The following DENND6A variants were observed in gnomAD, a reference collection of about 807,000 sequenced individuals.
The protein encoded by DENND6A is protein DENND6A.
Under a neutral mutation model 95.5 loss-of-function variants are expected in DENND6A, and 43 were observed. The observed-to-expected ratio is 0.45, with a 90% CI of 0.35 to 0.58. The LOEUF is 0.58. Ranked by LOEUF, DENND6A falls within the 20% of genes least tolerant of loss-of-function variation. The pLI, the probability that DENND6A is intolerant of heterozygous loss-of-function variation, is 0.00. For synonymous variants in DENND6A, 257 were observed against 260.4 expected, an observed-to-expected ratio of 0.99 and a Z score of 0.13; for missense variants, 574 against 736.0, an observed-to-expected ratio of 0.78 and a Z score of 2.55.
chr3:57,632,437 C>A (rs1211950581), intron 15 of DENND6A, among the ~76,000 whole-genome samples: 1 of 151,944 alleles, frequency 6.6e-6, no homozygotes, highest in Non-Finnish European at 1.5e-5. Context: ...CTCTTACCTT[C>A]GCCTCCCAAA....
At chr3:57,682,173 C>A (rs986133462) in intron 1 of DENND6A, among the ~76,000 whole-genome samples, 9 of 145,264 alleles carry the variant, frequency 6.2e-5, no homozygotes, top group African/African-American at 2.3e-4. Flanking sequence ...TTATATTCTG[C>A]GGGAAGCTGA....
In DENND6A at chr3:57,668,583, T is replaced by A. The variant is rs145330333; in HGVS notation, c.320-2348A>T. 4.2e-3 allele frequency among the ~76,000 whole-genome samples: 632 copies of A among 152,062 alleles called. 6 individuals carry two copies. The highest frequency in any genetic ancestry group is 0.015 in the African/African-American group (613 of 41,482). On this transcript the variant is annotated intron_variant, in intron 3 of 19. Transcript: ENST00000311128. The stretch of plus-strand genomic sequence containing the variant: ...CTCCTAAAGATAAAAGCCATTCAAA[T>A]GAAACAAAAAACTGAAACCTAAAAA...
chr3:57,687,717 G>C (rs139479778), intron 1 of DENND6A, among the ~76,000 whole-genome samples: 1 of 152,058 alleles, frequency 6.6e-6, no homozygotes, highest in Admixed American at 6.6e-5. Context: ...AGGATCCCTT[G>C]AAGCCAGGAA....
intron 1 of DENND6A, among the ~76,000 whole-genome samples, chr3:57,681,954 T>C (rs2077169625): frequency 6.6e-6 from 1 of 152,142 alleles, no homozygotes; most frequent in Non-Finnish European, 1.5e-5. Context: ...ACCACTGAAT[T>C]ATACACTTTA....
rs140677035 is a variant in DENND6A at position 57,625,596 on chromosome 3, A to G, written c.*2618T>C. The G allele has an allele frequency of 6.6e-6, 1 of 152,578 alleles. No homozygotes were observed. Among genetic ancestry groups the G allele is most frequent in the Non-Finnish European group, 1.5e-5 (1 of 68,022 alleles). 9.5% of individuals were successfully genotyped at this position (152,578 alleles called of 1,614,324 possible). On this transcript the variant is annotated 3_prime_UTR_variant, in exon 20 of 20. Coordinates refer to ENST00000311128, the MANE Select transcript of DENND6A (RefSeq NM_152678.3). ...GTGATTCCTCCTGATGCTGGTAGAGATAAAACATTTAATGTCAGGGTTTAC... is the reference window on the plus strand; with the variant it reads ...GTGATTCCTCCTGATGCTGGTAGAGGTAAAACATTTAATGTCAGGGTTTAC...
chr3:57,654,304 A>T (rs1355601531), intron 9 of DENND6A, among the ~76,000 whole-genome samples: 3 of 152,154 alleles, frequency 2.0e-5, no homozygotes, highest in Admixed American at 6.5e-5. Flanking sequence ...TTTGAGAAAG[A>T]TATAGTATGT....
Position 57,633,304 on chromosome 3 carries a change from G to T in DENND6A, c.1314C>A (p.Arg438=). The T allele has an allele frequency of 6.2e-7, 1 of 1,613,792 alleles. No homozygotes were observed. The highest frequency in any genetic ancestry group is 1.3e-5 in the African/African-American group (1 of 74,996). Residue 438 remains arginine, a synonymous_variant, in exon 15 of 20, where the codon CGC becomes CGA. Transcript: ENST00000311128. ...AACTTTGTGTCAGTTCCAAAAAATAGCGTCGAAGAATAACACTTTGAGCCT... is the reference window on the plus strand; with the variant it reads ...AACTTTGTGTCAGTTCCAAAAAATATCGTCGAAGAATAACACTTTGAGCCT... ...PSEAQSVILR[R]YFLELTQSFI...
chr3:57,645,593 C>T, intron 11 of DENND6A, 68 bp downstream of exon 11: 2 of 1,209,002 alleles, frequency 1.7e-6, no homozygotes, highest in Non-Finnish European at 2.3e-6. Context: ...CTTTTATTAC[C>T]AAAAATAATT....
At chr3:57,658,955 A>G (rs2071376580) in intron 8 of DENND6A, among the ~76,000 whole-genome samples, 163 bp downstream of exon 8, 1 of 152,180 alleles carries the variant, frequency 6.6e-6, no homozygotes, top group Non-Finnish European at 1.5e-5. Flanking sequence ...CCTAAGAAAC[A>G]TTAGAAAATA....
chr3:57,633,320 C>CT lies in DENND6A; in HGVS notation c.1297dup (p.Ser433LysfsTer55). On this transcript the variant is annotated frameshift_variant, in exon 15 of 20. Coordinates refer to ENST00000311128, the MANE Select transcript of DENND6A (RefSeq NM_152678.3). LOFTEE classifies it high-confidence loss of function. The stretch of plus-strand genomic sequence containing the variant: ...CAAAAAATAGCGTCGAAGAATAACA[C>CT]TTTGAGCCTCAGAAGGACGTTTCTG... The CT allele has an allele frequency of 1.2e-6, 2 of 1,613,814 alleles. No homozygotes were observed. Among genetic ancestry groups the CT allele is most frequent in the East Asian group, 2.2e-5 (1 of 44,838 alleles).
chr3:57,663,738 AGT>A, intron 4 of DENND6A, 22 bp from the exon 5 acceptor site: 1 of 1,477,066 alleles, frequency 6.8e-7, no homozygotes. Context: ...GTGACAAGTA[AGT>A]GTGTGTGGGG....
chr3:57,690,029 G>C (rs1168734053), intron 1 of DENND6A, among the ~76,000 whole-genome samples: 1 of 145,838 alleles, frequency 6.9e-6, no homozygotes, highest in African/African-American at 2.6e-5. Flanking sequence ...CCAATCTGAG[G>C]CAGACCATGT....
chr3:57,690,742 T>C (rs1438471210), intron 1 of DENND6A, among the ~76,000 whole-genome samples: 3 of 147,006 alleles, frequency 2.0e-5, no homozygotes, highest in Non-Finnish European at 4.5e-5. Context: ...GAACATGAAA[T>C]ATAAACAAGA....
chr3:57,634,734 T>G lies in DENND6A; in HGVS notation c.1168A>C (p.Lys390Gln). ...IPKQVKVKKL[K>Q]NLKTLDSKPG... The stretch of plus-strand genomic sequence containing the variant: ...TTGGAATCCAGAGTCTTTAGATTCT[T>G]CAGTTTTTTCACTTTAACCTGCTTA... Residue 390 changes from lysine (K) to glutamine (Q), a missense_variant, in exon 13 of 20, where the codon AAG becomes CAG. By Grantham distance (53) the Lys-to-Gln change is moderately conservative. Around this residue, in one of 2 missense-constraint regions of DENND6A, gnomAD observed 452 missense variants for 630.9 expected, o/e 0.72. Transcript: ENST00000311128. 2 of 1,571,860 alleles carry G rather than the reference T, an allele frequency of 1.3e-6. No individual in the cohort carries two copies. The highest frequency in any genetic ancestry group is 1.7e-6 in the Non-Finnish European group (2 of 1,159,332).
chr3:57,666,316 A>C lies in DENND6A; in HGVS notation c.320-81T>G, dbSNP rs1307560483. 17 of 1,114,778 alleles carry C rather than the reference A, an allele frequency of 1.5e-5. 1 individual carries two copies. Among genetic ancestry groups the C allele is most frequent in the Admixed American group, 5.1e-5 (2 of 39,148 alleles). 69.1% of individuals were successfully genotyped at this position (1,114,778 alleles called of 1,614,324 possible). A position where few individuals can be genotyped will look rare whatever the true frequency, so the allele number is the denominator to read the frequency against. ...GTTTCATCAATTTTAGAGCTGAAAA[A>C]AATCCTATCAATCATTTTAACCCAT... On this transcript the variant is annotated intron_variant, in intron 3 of 19. Transcript: ENST00000311128.
chr3:57,652,139 C>T (rs528082907), intron 9 of DENND6A, among the ~76,000 whole-genome samples: 5 of 152,198 alleles, frequency 3.3e-5, no homozygotes, highest in African/African-American at 4.8e-5. Flanking sequence ...CGTTCTTGAG[C>T]GCGGACTGGA....
At chr3:57,671,693 C>T (rs1015321359) in intron 3 of DENND6A, among the ~76,000 whole-genome samples, 5 of 152,162 alleles carry the variant, frequency 3.3e-5, no homozygotes, top group African/African-American at 1.2e-4. Context: ...AGGATGTCAA[C>T]GATTAGGACC....
At chr3:57,665,307 A>C (rs2071509758) in intron 4 of DENND6A, among the ~76,000 whole-genome samples, 1 of 152,214 alleles carries the variant, frequency 6.6e-6, no homozygotes, top group Admixed American at 6.5e-5. Context: ...TTGTGCTGGA[A>C]TAAAACAAGA....
chr3:57,667,040 T>C (rs1273765710), intron 3 of DENND6A, among the ~76,000 whole-genome samples: 6 of 152,218 alleles, frequency 3.9e-5, no homozygotes, highest in African/African-American at 1.4e-4. Context: ...CATAATTTTA[T>C]TTTTTTGAGA....
Sources: allele counts gnomAD v4.1 joint callset (sites outside exome capture counted in the v4.1 genomes callset), GRCh38; gene constraint gnomAD v4.1.1; regional missense constraint gnomAD v4.1.1; transcripts MANE v1.5; gene names NCBI Gene and HGNC (gene_info 2026-07-23, HGNC 2026-07-21).